TCF4: variants seen among roughly 807,000 people sequenced by gnomAD.
The protein encoded by TCF4 is SL3-3 enhancer factor 2.
A neutral mutation model predicts 82.1 loss-of-function variants in TCF4; 3 were observed. The observed-to-expected ratio is 0.04, with a 90% confidence interval of 0.02 to 0.09. TCF4 has a LOEUF of 0.09. Ranked by LOEUF, TCF4 falls within the 10% of genes least tolerant of loss-of-function variation. The pLI, the probability that TCF4 is intolerant of heterozygous loss-of-function variation, is 1.00. For missense variants in TCF4, 518 were observed against 852.7 expected, an observed-to-expected ratio of 0.61 and a Z score of 4.89; for synonymous variants, 276 against 309.6, an observed-to-expected ratio of 0.89 and a Z score of 1.14.
intron 8 of TCF4, among the ~76,000 whole-genome samples, chr18:55,295,105 T>G (rs1156714077): frequency 1.3e-5 from 2 of 152,216 alleles, no homozygotes; most frequent in Non-Finnish European, 2.9e-5. Flanking sequence ...TCAAGCGCAC[T>G]GACTGCTTGA....
At chr18:55,553,083 T>A (rs926993438) in intron 3 of TCF4, 1 of 152,196 alleles carries the variant, frequency 6.6e-6, no homozygotes, top group Non-Finnish European at 1.5e-5. Context: ...TGGAAGCACA[T>A]CCTATGGTAT....
chr18:55,377,625 C>T (rs1325869364), intron 6 of TCF4, among the ~76,000 whole-genome samples: 1 of 152,218 alleles, frequency 6.6e-6, no homozygotes, highest in South Asian at 2.1e-4. Context: ...TGCAGATTAA[C>T]CTGGCTATTT....
chr18:55,240,110 G>A (rs2050757369), intron 15 of TCF4, among the ~76,000 whole-genome samples: 1 of 152,144 alleles, frequency 6.6e-6, no homozygotes. Context: ...AAGTGATAAT[G>A]ACACAAAACT....
At chr18:55,631,230 A>G (rs977859904) in intron 2 of TCF4, 2 of 666,642 alleles carry the variant, frequency 3.0e-6, no homozygotes, top group African/African-American at 3.6e-5. Context: ...CTGTGTTTTT[A>G]GTAGAGACAG....
At chr18:55,326,771 A>G (rs1028089158) in intron 8 of TCF4, among the ~76,000 whole-genome samples, 1 of 152,122 alleles carries the variant, frequency 6.6e-6, no homozygotes, top group Non-Finnish European at 1.5e-5. Context: ...AGCAGGAGTC[A>G]CTCCTAACAA....
chr18:55,589,032 A>G (rs1300156497), upstream of TCF4, among the ~76,000 whole-genome samples: 1 of 152,064 alleles, frequency 6.6e-6, no homozygotes, highest in Non-Finnish European at 1.5e-5. Context: ...TCATAATTCT[A>G]TCGTTTCGTA....
chr18:55,461,343 G>GAAT (rs927369343), intron 4 of TCF4, among the ~76,000 whole-genome samples: 1 of 151,984 alleles, frequency 6.6e-6, no homozygotes, highest in Non-Finnish European at 1.5e-5. Context: ...GAAATCTTAG[G>GAAT]AATAATAATA....
At position 55,236,643 on chromosome 18, in the gene TCF4, G is replaced by A. The variant is rs554943662; in HGVS notation, c.1351-1960C>T. The stretch of plus-strand genomic sequence containing the variant: ...CTATTTTCCATTGAGGTTTTGATTT[G>A]CTATTTTTATATTCATGCATTAGAA... On this transcript the variant is annotated intron_variant, in intron 15 of 19. Coordinates refer to ENST00000354452, the MANE Select transcript of TCF4 (RefSeq NM_001083962.2). Among the ~76,000 whole-genome samples the A allele has an allele frequency of 1.1e-4, 17 of 152,038 alleles. No individual in the cohort carries two copies. The South Asian group carries it at 3.3e-3, about 30-fold the overall frequency.
chr18:55,450,136 G>C (rs1040709362), intron 5 of TCF4, among the ~76,000 whole-genome samples: 1 of 152,194 alleles, frequency 6.6e-6, no homozygotes, highest in African/African-American at 2.4e-5. Flanking sequence ...AGAGTGGTGA[G>C]CTGGTGCTCA....
intron 3 of TCF4, among the ~76,000 whole-genome samples, chr18:55,471,429 G>A (rs1055083842): frequency 1.3e-5 from 2 of 152,156 alleles, no homozygotes; most frequent in African/African-American, 4.8e-5. Context: ...GGCCAGGTGC[G>A]ATGGCTCACG....
At chr18:55,552,265 A>C (rs1291411380) in intron 3 of TCF4, among the ~76,000 whole-genome samples, 1 of 152,212 alleles carries the variant, frequency 6.6e-6, no homozygotes, top group Non-Finnish European at 1.5e-5. Context: ...AATAGAACTA[A>C]ATTGATTTCT....
intron 19 of TCF4, 37 bp from the exon 20 acceptor site, chr18:55,228,067 A>C: frequency 1.1e-6 from 1 of 949,276 alleles, no homozygotes; most frequent in Middle Eastern, 2.3e-4. Flanking sequence ...ATTCATTAAT[A>C]TATTTGTAAC....
intron 6 of TCF4, chr18:55,401,107 A>G (rs1603446776): frequency 7.8e-7 from 1 of 1,289,012 alleles, no homozygotes; most frequent in South Asian, 1.2e-5. Flanking sequence ...CTGATGTTGT[A>G]GACAGGGATT....
At chr18:55,310,136 G>A (rs965361773) in intron 8 of TCF4, among the ~76,000 whole-genome samples, 1 of 152,170 alleles carries the variant, frequency 6.6e-6, no homozygotes, top group African/African-American at 2.4e-5. Context: ...GATGTACAAA[G>A]TAAACCTAAA....
intron 3 of TCF4, among the ~76,000 whole-genome samples, chr18:55,531,900 T>A (rs17089876): frequency 2.0e-5 from 3 of 152,174 alleles, no homozygotes. Flanking sequence ...ATGGTGAATA[T>A]AATCTGGCAT....
chr18:55,304,372 A>C (rs2069460466), intron 8 of TCF4, among the ~76,000 whole-genome samples: 1 of 152,256 alleles, frequency 6.6e-6, no homozygotes, highest in South Asian at 2.1e-4. Flanking sequence ...CATTGGAAAA[A>C]CAGAATGCAG....
intron 3 of TCF4, chr18:55,551,159 G>C (rs1416783586): frequency 2.6e-5 from 4 of 152,208 alleles, no homozygotes; most frequent in African/African-American, 9.7e-5. Context: ...TATCCAGACT[G>C]GTCTCCAACT....
intron 8 of TCF4, chr18:55,321,898 G>C: frequency 7.1e-7 from 1 of 1,406,806 alleles, no homozygotes; most frequent in South Asian, 1.7e-5. Context: ...CTGGCGGGCG[G>C]GGGAGGCCGC....
At chr18:55,392,463 A>C (rs902647680) in intron 6 of TCF4, among the ~76,000 whole-genome samples, 8 of 43,540 alleles carry the variant, frequency 1.8e-4, no homozygotes, top group African/African-American at 8.1e-4. Context: ...ACAACCCCAC[A>C]AAAAAAAAAA....
Sources: allele counts gnomAD v4.1 joint callset (sites outside exome capture counted in the v4.1 genomes callset), GRCh38; gene constraint gnomAD v4.1.1; transcripts MANE v1.5; gene names NCBI Gene and HGNC (gene_info 2026-07-23, HGNC 2026-07-21).